Variants in ANK3 observed in about 807,000 individuals in gnomAD.
The protein encoded by ANK3 is ankyrin-3.
A neutral mutation model predicts 370.9 loss-of-function variants in ANK3; 57 were observed. The ratio of observed to expected loss-of-function variants is 0.15; its 90% CI spans 0.12 to 0.19. The LOEUF is 0.19. ANK3 is among the 10% of genes least tolerant of loss of function. ANK3 has a pLI of 1.00. For missense variants in ANK3, 4,439 were observed against 5,302.1 expected, an observed-to-expected ratio of 0.84 and a Z score of 5.06; for synonymous variants, 1,929 against 1,946.3, an observed-to-expected ratio of 0.99 and a Z score of 0.23.
chr10:60,114,282 C>G lies in ANK3; in HGVS notation c.2891G>C (p.Ser964Thr). Residue 964 changes from serine (S) to threonine (T), a missense_variant, in exon 26 of 44, where the codon AGC becomes ACC. Physicochemically the swap from Ser to Thr is moderately conservative, Grantham distance 58. Around this residue, in one of 13 missense-constraint regions of ANK3, gnomAD observed 702 missense variants for 941.5 expected, o/e 0.75. Transcript: ENST00000280772. ...ATTGTCTAAGGTGTCTGCAGCCCAG[C>G]TGTAATGTCTAAGAGAATCTGAATC... Reference protein sequence around the residue: ...EFDSDSLRHYSWAADTLDNVN... With the variant: ...EFDSDSLRHYTWAADTLDNVN... 1 of 1,609,242 alleles carries G rather than the reference C, an allele frequency of 6.2e-7. No individual in the cohort carries two copies. Among genetic ancestry groups the G allele is most frequent in the Non-Finnish European group, 8.5e-7 (1 of 1,177,992 alleles).
chr10:60,322,980 A>G (rs1350632), intron 1 of ANK3, among the ~76,000 whole-genome samples: 92,679 of 151,678 alleles, frequency 0.61, 28,475 homozygotes, highest in South Asian at 0.77. Flanking sequence ...CTTGGTTTGG[A>G]GCTTGTTATC....
At chr10:60,608,234 C>A (rs1381320912) in intron 2 of ANK3, among the ~76,000 whole-genome samples, 2 of 152,134 alleles carry the variant, frequency 1.3e-5, no homozygotes, top group African/African-American at 4.8e-5. Context: ...ATGTTAGCTC[C>A]TTTACTCTTG....
chr10:60,105,037 A>G (rs1451035902), intron 28 of ANK3, among the ~76,000 whole-genome samples: 1 of 152,180 alleles, frequency 6.6e-6, no homozygotes, highest in Non-Finnish European at 1.5e-5. Context: ...GCATTCCAAA[A>G]GTCAGTGAAT....
At chr10:60,140,852 G>A in intron 23 of ANK3, 6 of 989,892 alleles carry the variant, frequency 6.1e-6, no homozygotes, top group Non-Finnish European at 6.0e-6. Context: ...CCTTCATGTA[G>A]GGAGAGAGCG....
At position 60,082,261 on chromosome 10, in the gene ANK3, A is replaced by C. The variant is rs1163056914; in HGVS notation, c.4324-85T>G. ...GAATATCAGGATATGAAAAGGACTG[A>C]GTAGGGAGCACAAATGCAAGCTGAT... On this transcript the variant is annotated intron_variant, in intron 34 of 43. Transcript: ENST00000280772. 5 of 1,196,788 alleles carry C rather than the reference A, an allele frequency of 4.2e-6. No individual in the cohort carries two copies. The East Asian group carries it at 1.2e-4, about 28-fold the overall frequency. 74.1% of individuals were successfully genotyped at this position (1,196,788 alleles called of 1,614,324 possible).
At chr10:60,137,379 A>AAAAAAC (rs2094396026) in intron 24 of ANK3, 1 of 366,434 alleles carries the variant, frequency 2.7e-6, no homozygotes, top group Non-Finnish European at 5.3e-6. Context: ...TTTAGGAAAA[A>AAAAAAC]AAAAAAAAAA....
At chr10:60,709,262 C>G (rs747642299) in intron 1 of ANK3, among the ~76,000 whole-genome samples, 6 of 151,496 alleles carry the variant, frequency 4.0e-5, no homozygotes, top group Non-Finnish European at 7.4e-5. Flanking sequence ...TCCAGAGAAA[C>G]AGAACCAATA....
chr10:60,712,849 A>T (rs2079728999), intron 1 of ANK3, among the ~76,000 whole-genome samples: 1 of 152,192 alleles, frequency 6.6e-6, no homozygotes, highest in African/African-American at 2.4e-5. Flanking sequence ...AGCAAGGAAA[A>T]ATATCAGGGA....
chr10:60,418,310 C>T (rs1307230418), intron 2 of ANK3, among the ~76,000 whole-genome samples: 1 of 152,132 alleles, frequency 6.6e-6, no homozygotes, highest in African/African-American at 2.4e-5. Context: ...ATTGCTTCTG[C>T]CTGGAACCCC....
intron 1 of ANK3, among the ~76,000 whole-genome samples, chr10:60,689,525 G>A (rs1455293530): frequency 1.3e-5 from 2 of 152,158 alleles, no homozygotes; most frequent in East Asian, 3.9e-4. Context: ...GCTGAGGCAG[G>A]TGGATCACTT....
chr10:60,337,553 C>T (rs971403876), intron 1 of ANK3, among the ~76,000 whole-genome samples: 2 of 152,112 alleles, frequency 1.3e-5, no homozygotes, highest in African/African-American at 2.4e-5. Context: ...TCTTTGACCC[C>T]ACAATCTCTT....
intron 2 of ANK3, among the ~76,000 whole-genome samples, chr10:60,537,606 CT>C (rs1567128419): frequency 1.3e-5 from 2 of 151,702 alleles, no homozygotes; most frequent in Non-Finnish European, 2.9e-5. Flanking sequence ...GATAAGCCTG[CT>C]TTTGAAATTT....
intron 8 of ANK3, among the ~76,000 whole-genome samples, chr10:60,224,097 A>AC (rs1188649501): frequency 6.6e-6 from 1 of 150,848 alleles, no homozygotes; most frequent in Non-Finnish European, 1.5e-5. Context: ...AAAATGCTAG[A>AC]CAAAGGCAAT....
At chr10:60,705,886 G>A (rs7096320) in intron 1 of ANK3, among the ~76,000 whole-genome samples, 1,613 of 139,696 alleles carry the variant, frequency 0.012, 31 homozygotes, top group African/African-American at 0.041. Context: ...GCAGTGGTGC[G>A]ATCATGGCTC....
At chr10:60,112,901 C>A (rs898993401) in intron 26 of ANK3, among the ~76,000 whole-genome samples, 11 of 152,130 alleles carry the variant, frequency 7.2e-5, no homozygotes, top group Admixed American at 6.5e-4. Flanking sequence ...TGTCCTTGAT[C>A]ACAATTAACT....
intron 25 of ANK3, among the ~76,000 whole-genome samples, chr10:60,126,381 T>C (rs972673626): frequency 6.6e-6 from 1 of 152,132 alleles, no homozygotes; most frequent in African/African-American, 2.4e-5. Context: ...TTCTAAAGTT[T>C]TTGTTTAGAA....
chr10:60,220,086 ACT>A (rs749151008), intron 8 of ANK3, among the ~76,000 whole-genome samples: 4 of 152,216 alleles, frequency 2.6e-5, no homozygotes, highest in African/African-American at 4.8e-5. Context: ...CCAAATGTCT[ACT>A]TCATAATGTA....
intron 2 of ANK3, among the ~76,000 whole-genome samples, chr10:60,425,834 G>C (rs1489400417): frequency 1.3e-5 from 2 of 152,122 alleles, no homozygotes; most frequent in African/African-American, 4.8e-5. Flanking sequence ...AGAGGAAGTA[G>C]AATGAGTGTC....
chr10:60,033,490 G>A (rs1201356810), intron 43 of ANK3, among the ~76,000 whole-genome samples: 1 of 117,628 alleles, frequency 8.5e-6, no homozygotes, highest in Non-Finnish European at 1.6e-5. Flanking sequence ...ACTCCAGCCT[G>A]GACAACATAG....
Sources: allele counts gnomAD v4.1 joint callset (sites outside exome capture counted in the v4.1 genomes callset), GRCh38; gene constraint gnomAD v4.1.1; regional missense constraint gnomAD v4.1.1; transcripts MANE v1.5; gene names NCBI Gene and HGNC (gene_info 2026-07-23, HGNC 2026-07-21).